The following CDH2 variants were observed in gnomAD, a reference collection of about 807,000 sequenced individuals.
CDH2 encodes cadherin 2.
CDH2 carries 17 observed loss-of-function variants against 92.0 expected under a neutral mutation model. The observed-to-expected ratio is 0.18, with a 90% CI of 0.13 to 0.28. The LOEUF (loss-of-function observed/expected upper bound fraction) is 0.28, where lower values mean the gene tolerates loss of function less well. Among genes scored for constraint, CDH2 ranks in the 10% least tolerant of loss-of-function variants. CDH2 has a pLI of 1.00. For missense variants in CDH2, 862 were observed against 1,133.1 expected (o/e 0.76, Z 3.44); for synonymous variants, 419 against 415.9 (o/e 1.01, Z -0.09).
intron 2 of CDH2, among the ~76,000 whole-genome samples, chr18:28,014,559 C>A (rs1406063673): frequency 2.0e-5 from 3 of 151,902 alleles, no homozygotes; most frequent in Admixed American, 1.3e-4. Flanking sequence ...AATTTCTATT[C>A]CTCTTAGTGC....
intron 2 of CDH2, among the ~76,000 whole-genome samples, chr18:28,147,435 G>A (rs547063066): frequency 8.3e-4 from 127 of 152,154 alleles, no homozygotes; most frequent in Non-Finnish European, 1.1e-3. Context: ...CGGTTTCTCT[G>A]TAAATTAAAA....
At chr18:27,975,221 C>A (rs979817176) in intron 14 of CDH2, among the ~76,000 whole-genome samples, 14 of 152,242 alleles carry the variant, frequency 9.2e-5, no homozygotes, top group African/African-American at 3.4e-4. Flanking sequence ...GAAGAAAGAT[C>A]TGAGACATGG....
chr18:27,987,996 C>T (rs1452020318), intron 11 of CDH2, among the ~76,000 whole-genome samples: 6 of 152,052 alleles, frequency 3.9e-5, no homozygotes, highest in African/African-American at 1.4e-4. Flanking sequence ...ATCTATTAAT[C>T]TTAACCAATG....
intron 2 of CDH2, among the ~76,000 whole-genome samples, chr18:28,134,543 C>T (rs2015829908): frequency 6.6e-6 from 1 of 152,016 alleles, no homozygotes; most frequent in Admixed American, 6.6e-5. Flanking sequence ...AACCCTGTCT[C>T]TACAAAAAAT....
chr18:28,170,301 A>G (rs1431555448), intron 1 of CDH2, among the ~76,000 whole-genome samples: 1 of 152,194 alleles, frequency 6.6e-6, no homozygotes, highest in Non-Finnish European at 1.5e-5. Flanking sequence ...ATCCTCATTC[A>G]GAAGCCTGAA....
At chr18:27,998,693 C>G (rs756332093) in intron 7 of CDH2, among the ~76,000 whole-genome samples, 5 of 152,110 alleles carry the variant, frequency 3.3e-5, no homozygotes, top group Admixed American at 6.5e-5. Flanking sequence ...CTCACTGCAG[C>G]CTTGACCACC....
Position 27,952,443 on chromosome 18 carries a change from G to A in CDH2, c.2515-84C>T, listed in dbSNP as rs2289665. ...CACAAGCAGATCCTAATGAATTCAC[G>A]GGATCAAACAAACACTTGTTTGTAA... On this transcript the variant is annotated intron_variant, in intron 15 of 15. Transcript: ENST00000269141. 3.4e-3 allele frequency: 3,472 copies of A among 1,025,474 alleles called. 113 individuals carry two copies. In the Admixed American group the frequency reaches 0.057, roughly 17 times the overall value. The allele number at this position is 1,025,474 out of a possible 1,614,324, so 63.5% of individuals were successfully genotyped here.
intron 2 of CDH2, among the ~76,000 whole-genome samples, chr18:28,042,410 C>T (rs1195481519): frequency 6.6e-6 from 1 of 152,110 alleles, no homozygotes; most frequent in Non-Finnish European, 1.5e-5. Flanking sequence ...GGTATTATGG[C>T]TGGTGTATAT....
intron 2 of CDH2, among the ~76,000 whole-genome samples, chr18:28,135,015 T>G (rs866828212): frequency 6.6e-6 from 1 of 152,100 alleles, no homozygotes; most frequent in South Asian, 2.1e-4. Flanking sequence ...TGGACAGAAG[T>G]GCGAACACAA....
intron 2 of CDH2, among the ~76,000 whole-genome samples, chr18:28,017,090 T>G (rs1229466237): frequency 6.6e-6 from 1 of 152,164 alleles, no homozygotes; most frequent in African/African-American, 2.4e-5. Flanking sequence ...TTTGTTGTTG[T>G]TCTTATGTCC....
At position 28,055,253 on chromosome 18, in the gene CDH2, A is replaced by C. The variant is rs141149513; in HGVS notation, c.173-41344T>G. ...TAACCACCATGAGAACAGTGTGGGG[A>C]AACTGCCTCCATAATTCAATTATCT... On this transcript the variant is annotated intron_variant, in intron 2 of 15. Transcript: ENST00000269141. Among the ~76,000 whole-genome samples the C allele has an allele frequency of 1.4e-3, 209 of 152,300 alleles. 2 individuals are homozygous for C. Among genetic ancestry groups the C allele is most frequent in the African/African-American group, 4.7e-3 (197 of 41,564 alleles).
At chr18:28,061,696 T>C (rs1474506847) in intron 2 of CDH2, among the ~76,000 whole-genome samples, 1 of 152,168 alleles carries the variant, frequency 6.6e-6, no homozygotes, top group Non-Finnish European at 1.5e-5. Context: ...AATTGGATAA[T>C]GTCTAAAGGG....
At chr18:28,002,950 C>G (rs201334340) in intron 7 of CDH2, 47 bp downstream of exon 7, 20 of 1,520,782 alleles carry the variant, frequency 1.3e-5, no homozygotes, top group Non-Finnish European at 1.7e-5. Context: ...ATATTGTGCA[C>G]CTTTAAGATT....
intron 2 of CDH2, chr18:28,146,706 A>AG (rs1469634254): frequency 1.3e-5 from 2 of 152,070 alleles, no homozygotes; most frequent in Non-Finnish European, 2.9e-5. Context: ...TATACCACTA[A>AG]GGTTTGTCGG....
At chr18:28,075,623 G>A (rs1356263199) in intron 2 of CDH2, among the ~76,000 whole-genome samples, 1 of 152,156 alleles carries the variant, frequency 6.6e-6, no homozygotes, top group Non-Finnish European at 1.5e-5. Flanking sequence ...AACAGAAAAG[G>A]CTGGTATCCC....
At chr18:28,091,861 T>C (rs72884206) in intron 2 of CDH2, among the ~76,000 whole-genome samples, 1 of 152,092 alleles carries the variant, frequency 6.6e-6, no homozygotes. Flanking sequence ...CATTACAGAC[T>C]GCCTGGCTTA....
At chr18:27,989,871 T>A (rs2012354298) in intron 10 of CDH2, among the ~76,000 whole-genome samples, 1 of 152,198 alleles carries the variant, frequency 6.6e-6, no homozygotes, top group Non-Finnish European at 1.5e-5. Context: ...CAAGAACAGC[T>A]TTTTCTTCAA....
intron 2 of CDH2, among the ~76,000 whole-genome samples, chr18:28,017,838 C>T (rs1224517496): frequency 6.6e-6 from 1 of 152,042 alleles, no homozygotes; most frequent in Non-Finnish European, 1.5e-5. Context: ...GAAAGCATTC[C>T]CCCTGAACAC....
chr18:28,165,920 T>C (rs2016371721), intron 1 of CDH2, among the ~76,000 whole-genome samples: 1 of 151,688 alleles, frequency 6.6e-6, no homozygotes, highest in African/African-American at 2.4e-5. Flanking sequence ...ATTGTGTGTA[T>C]ATATGTCACC....
Sources: gnomAD v4.1 joint callset for allele counts (sites outside exome capture counted in the v4.1 genomes callset) on GRCh38, gnomAD v4.1.1 for gene constraint, MANE v1.5 for transcripts, NCBI Gene and HGNC (gene_info 2026-07-23, HGNC 2026-07-21) for gene names.